The following NEK11 variants were observed in gnomAD, a reference collection of about 807,000 sequenced individuals.
NEK11 encodes NIMA related kinase 11.
In NEK11, 72 loss-of-function variants were observed where a neutral mutation model predicts 80.7. The observed-to-expected ratio is 0.89, with a 90% CI of 0.74 to 1.08. The LOEUF (loss-of-function observed/expected upper bound fraction) is 1.08, where lower values mean the gene tolerates loss of function less well. Ranked by LOEUF, NEK11 falls within the 50% of genes least tolerant of loss-of-function variation. NEK11 has a pLI of 0.00. For synonymous variants in NEK11, 251 were observed against 260.7 expected (o/e 0.96, Z 0.36); for missense variants, 764 against 763.6 (o/e 1.00, Z -0.01).
intron 17 of NEK11, among the ~76,000 whole-genome samples, chr3:131,293,969 T>C (rs2096569508): frequency 6.6e-6 from 1 of 152,008 alleles, no homozygotes; most frequent in Admixed American, 6.6e-5. Context: ...TCTCTTTTTT[T>C]CTTAATTAGC....
chr3:131,139,207 C>T (rs935614105), intron 7 of NEK11, among the ~76,000 whole-genome samples: 3 of 151,308 alleles, frequency 2.0e-5, no homozygotes, highest in Non-Finnish European at 2.9e-5. Flanking sequence ...AAGAATCAAG[C>T]AGAAGTTCTG....
chr3:131,229,508 A>G (rs1164831783), intron 15 of NEK11, among the ~76,000 whole-genome samples: 2 of 152,140 alleles, frequency 1.3e-5, no homozygotes, highest in Non-Finnish European at 2.9e-5. Flanking sequence ...ACCAAAGGGC[A>G]CCTGAGTGAA....
chr3:131,293,525 A>T (rs2096565205), intron 17 of NEK11, among the ~76,000 whole-genome samples: 1 of 150,902 alleles, frequency 6.6e-6, no homozygotes, highest in Non-Finnish European at 1.5e-5. Flanking sequence ...GTGCATGTTT[A>T]TGAAAAATAC....
intron 17 of NEK11, among the ~76,000 whole-genome samples, chr3:131,345,304 G>A (rs570572551): frequency 6.2e-4 from 95 of 152,228 alleles, no homozygotes; most frequent in African/African-American, 2.2e-3. Flanking sequence ...CTAATAAGTG[G>A]TTAATATCCA....
At chr3:131,194,754 C>T (rs2093932770) in intron 14 of NEK11, among the ~76,000 whole-genome samples, 1 of 152,084 alleles carries the variant, frequency 6.6e-6, no homozygotes, top group Non-Finnish European at 1.5e-5. Flanking sequence ...AACTGTCATC[C>T]TACCGATCAT....
intron 14 of NEK11, among the ~76,000 whole-genome samples, chr3:131,172,681 A>C (rs550071441): frequency 6.6e-6 from 1 of 152,344 alleles, no homozygotes; most frequent in African/African-American, 2.4e-5. Context: ...GAAATGTCAG[A>C]GACATTAGAA....
chr3:131,212,321 A>C (rs911315524), intron 14 of NEK11, among the ~76,000 whole-genome samples: 1 of 152,196 alleles, frequency 6.6e-6, no homozygotes, highest in Non-Finnish European at 1.5e-5. Flanking sequence ...AATATTGCAG[A>C]ACAGCAAATA....
chr3:131,211,693 CTCT>C (rs1211001116), intron 14 of NEK11, among the ~76,000 whole-genome samples: 1 of 152,088 alleles, frequency 6.6e-6, no homozygotes, highest in African/African-American at 2.4e-5. Context: ...CTCTAAACTT[CTCT>C]TCTTGCTTCA....
At chr3:131,122,538 A>G (rs1205442072) in intron 5 of NEK11, among the ~76,000 whole-genome samples, 1 of 152,276 alleles carries the variant, frequency 6.6e-6, no homozygotes, top group East Asian at 1.9e-4. Flanking sequence ...CACATGGCAA[A>G]GACCAGTAAC....
intron 14 of NEK11, among the ~76,000 whole-genome samples, chr3:131,211,754 T>C (rs888619187): frequency 9.2e-5 from 14 of 152,214 alleles, no homozygotes; most frequent in African/African-American, 3.1e-4. Flanking sequence ...TTCCACTTGA[T>C]GGAATCGGCT....
At chr3:131,166,942 C>T (rs2092290418) in intron 12 of NEK11, among the ~76,000 whole-genome samples, 1 of 152,202 alleles carries the variant, frequency 6.6e-6, no homozygotes, top group East Asian at 1.9e-4. Context: ...GTGCAGTCTG[C>T]TTTGTCCCCC....
intron 4 of NEK11, among the ~76,000 whole-genome samples, chr3:131,088,718 GA>G (rs1044799828): frequency 6.6e-6 from 1 of 151,700 alleles, no homozygotes; most frequent in Non-Finnish European, 1.5e-5. Context: ...AAAAGAATTT[GA>G]AAAAAATACT....
Position 131,073,101 on chromosome 3 carries a change from A to G in NEK11, c.171-7322A>G, listed in dbSNP as rs555921559. Among the ~76,000 whole-genome samples, 22 of 152,290 alleles carry G rather than the reference A, an allele frequency of 1.4e-4. No homozygotes were observed. The South Asian group carries it at 2.1e-3, about 14-fold the overall frequency. On this transcript the variant is annotated intron_variant, in intron 3 of 17. Transcript: ENST00000383366. ...CATGGTCCATTTGGACGCCAGCTCT[A>G]TTCTTGCACTGACACAAGAGATTCT...
intron 14 of NEK11, among the ~76,000 whole-genome samples, chr3:131,189,394 GA>G (rs1296904607): frequency 6.6e-6 from 1 of 152,178 alleles, no homozygotes; most frequent in Non-Finnish European, 1.5e-5. Flanking sequence ...TGGAGACTGG[GA>G]AATCCAACAT....
intron 13 of NEK11, among the ~76,000 whole-genome samples, chr3:131,169,254 C>T (rs933773179): frequency 2.0e-5 from 3 of 152,146 alleles, no homozygotes; most frequent in Non-Finnish European, 4.4e-5. Flanking sequence ...CTCATTGGGG[C>T]TCTGTTCTCT....
Position 131,043,089 on chromosome 3 carries a change from C to T in NEK11, c.170+13211C>T, listed in dbSNP as rs553023240. Among the ~76,000 whole-genome samples the T allele has an allele frequency of 1.7e-3, 265 of 152,106 alleles. 1 individual carries two copies. The highest frequency in any genetic ancestry group is 2.9e-3 in the Non-Finnish European group (198 of 68,012). ...TCAACATCAACAAAAAGGATGACCA[C>T]GCAAAAACTTCATCCAAAGGTCACC... On this transcript the variant is annotated intron_variant, in intron 3 of 17. Coordinates refer to ENST00000383366, the MANE Select transcript of NEK11 (RefSeq NM_024800.5).
intron 17 of NEK11, among the ~76,000 whole-genome samples, chr3:131,302,722 T>C (rs1021314061): frequency 3.6e-4 from 55 of 152,348 alleles, no homozygotes; most frequent in African/African-American, 1.3e-3. Context: ...TTGGTTCGTA[T>C]GATTTCGATT....
At chr3:131,339,466 C>A (rs189530347) in intron 17 of NEK11, among the ~76,000 whole-genome samples, 1 of 152,300 alleles carries the variant, frequency 6.6e-6, no homozygotes, top group East Asian at 1.9e-4. Context: ...GAGTGTCTAA[C>A]GGGGCTTCGG....
Position 131,219,307 on chromosome 3 carries a change from A to T in NEK11, c.1400-9221A>T, listed in dbSNP as rs138382543. Among the ~76,000 whole-genome samples, 56 of 151,310 alleles carry T rather than the reference A, an allele frequency of 3.7e-4. No individual in the cohort carries two copies. In the East Asian group the frequency reaches 4.9e-3, roughly 13 times the overall value. On this transcript the variant is annotated intron_variant, in intron 14 of 17. Coordinates refer to ENST00000383366, the MANE Select transcript of NEK11 (RefSeq NM_024800.5). ...CTAACACAAGAACAGAAAACCAAAC[A>T]CTGCATGTTCTCACTCATAAGTGGG...
Sources: allele counts gnomAD v4.1 joint callset (sites outside exome capture counted in the v4.1 genomes callset), GRCh38; gene constraint gnomAD v4.1.1; transcripts MANE v1.5; gene names NCBI Gene and HGNC (gene_info 2026-07-23, HGNC 2026-07-21).